Variants in PHACTR1 observed in about 807,000 individuals in gnomAD.
PHACTR1 encodes the protein phosphatase and actin regulator 1.
A neutral mutation model predicts 69.2 loss-of-function variants in PHACTR1; 16 were observed. That is an observed-to-expected ratio of 0.23 (90% CI 0.16 to 0.35). PHACTR1 has a LOEUF of 0.35. PHACTR1 is among the 10% of genes least tolerant of loss of function. The pLI is 1.00. For synonymous variants in PHACTR1, 312 were observed against 284.5 expected, an observed-to-expected ratio of 1.10 and a Z score of -0.97; for missense variants, 510 against 734.7, an observed-to-expected ratio of 0.69 and a Z score of 3.54.
At chr6:12,814,105 G>A (rs532106190) in intron 4 of PHACTR1, among the ~76,000 whole-genome samples, 16 of 152,278 alleles carry the variant, frequency 1.1e-4, no homozygotes, top group Non-Finnish European at 1.6e-4. Context: ...GGTGTCAGGT[G>A]GAATTTCTGT....
intron 4 of PHACTR1, among the ~76,000 whole-genome samples, chr6:12,922,442 T>C (rs1352455011): frequency 6.6e-6 from 1 of 152,168 alleles, no homozygotes; most frequent in Non-Finnish European, 1.5e-5. Context: ...AGCAAGGGCA[T>C]GTGAGTTAGC....
At chr6:13,079,362 T>C (rs1811025228) in intron 5 of PHACTR1, among the ~76,000 whole-genome samples, 1 of 152,176 alleles carries the variant, frequency 6.6e-6, no homozygotes, top group Non-Finnish European at 1.5e-5. Context: ...GACATTCCAT[T>C]TCCATGTGGG....
chr6:13,076,042 T>TTTTTTG (rs1403379967), intron 5 of PHACTR1, among the ~76,000 whole-genome samples: 1 of 151,862 alleles, frequency 6.6e-6, no homozygotes, highest in Non-Finnish European at 1.5e-5. Context: ...TTTTTTTTTT[T>TTTTTTG]TCTGGTTGGC....
At chr6:13,105,659 A>G (rs1270316495) in intron 5 of PHACTR1, among the ~76,000 whole-genome samples, 1 of 152,144 alleles carries the variant, frequency 6.6e-6, no homozygotes, top group African/African-American at 2.4e-5. Context: ...CTGACTGCCT[A>G]CAAATCTAAG....
intron 3 of PHACTR1, among the ~76,000 whole-genome samples, chr6:12,727,445 G>A (rs191169753): frequency 6.6e-6 from 1 of 152,262 alleles, no homozygotes; most frequent in African/African-American, 2.4e-5. Context: ...CCCTAGCAAG[G>A]ATCTGCTTTG....
intron 4 of PHACTR1, among the ~76,000 whole-genome samples, chr6:12,986,624 C>T (rs1341028113): frequency 6.6e-6 from 1 of 152,190 alleles, no homozygotes; most frequent in Admixed American, 6.5e-5. Flanking sequence ...CTTCCAGTCT[C>T]GTTTGGGCGA....
In PHACTR1 at chr6:12,744,560, G is replaced by A. The variant is rs142096329; in HGVS notation, c.104-5084G>A. On this transcript the variant is annotated intron_variant, in intron 3 of 14. Coordinates refer to ENST00000332995, the MANE Select transcript of PHACTR1 (RefSeq NM_030948.6). ...CCTCAATATCATCCCTTCATGTTTC[G>A]TAAGGAAGATGTTATCAGAAAGGGG... is the stretch of plus-strand genomic sequence containing the variant. Among the ~76,000 whole-genome samples the A allele has an allele frequency of 2.6e-3, 397 of 152,138 alleles. 2 individuals carry two copies. Among genetic ancestry groups the A allele is most frequent in the African/African-American group, 8.0e-3 (334 of 41,510 alleles).
At chr6:13,107,208 C>T (rs1231400273) in intron 5 of PHACTR1, among the ~76,000 whole-genome samples, 1 of 152,130 alleles carries the variant, frequency 6.6e-6, no homozygotes, top group Admixed American at 6.5e-5. Context: ...GCCCTGACCT[C>T]CGAGGTTCAA....
intron 5 of PHACTR1, among the ~76,000 whole-genome samples, chr6:13,159,750 G>T (rs1479243009): frequency 2.0e-5 from 3 of 152,170 alleles, no homozygotes; most frequent in Admixed American, 6.5e-5. Context: ...GACCATCCTG[G>T]CTCAAACCAT....
chr6:12,748,270 A>G (rs890031704), intron 3 of PHACTR1, among the ~76,000 whole-genome samples: 5 of 152,226 alleles, frequency 3.3e-5, no homozygotes, highest in Admixed American at 6.5e-5. Context: ...TAAAAGACCA[A>G]TGAAGAGAGA....
chr6:13,145,707 G>C (rs1013174065), intron 5 of PHACTR1, among the ~76,000 whole-genome samples: 1 of 152,188 alleles, frequency 6.6e-6, no homozygotes, highest in Admixed American at 6.5e-5. Flanking sequence ...CCAAGGAAAG[G>C]CCTCGTGAAC....
intron 6 of PHACTR1, among the ~76,000 whole-genome samples, chr6:13,178,705 G>A (rs952136632): frequency 6.6e-6 from 1 of 152,208 alleles, no homozygotes; most frequent in Admixed American, 6.5e-5. Context: ...GGAGGTTATT[G>A]TGTACCATTT....
At chr6:12,853,616 G>T (rs916956969) in intron 4 of PHACTR1, among the ~76,000 whole-genome samples, 2 of 152,222 alleles carry the variant, frequency 1.3e-5, no homozygotes, top group Admixed American at 1.3e-4. Context: ...CCCCATTGCT[G>T]GGGAAGCCTC....
chr6:12,816,933 C>T (rs1051215493), intron 4 of PHACTR1, among the ~76,000 whole-genome samples: 8 of 152,024 alleles, frequency 5.3e-5, no homozygotes, highest in South Asian at 4.2e-4. Context: ...CTTTGCCAAC[C>T]GGGAAGGACA....
chr6:13,106,408 G>A (rs780527860), intron 5 of PHACTR1, among the ~76,000 whole-genome samples: 22 of 152,172 alleles, frequency 1.4e-4, no homozygotes, highest in Non-Finnish European at 2.4e-4. Context: ...TTAGAGGAGA[G>A]TTGTTCAGTC....
intron 5 of PHACTR1, among the ~76,000 whole-genome samples, chr6:13,116,615 G>A (rs1435369939): frequency 6.6e-6 from 1 of 152,160 alleles, no homozygotes; most frequent in Admixed American, 6.5e-5. Context: ...TTATTTCCAG[G>A]TAATGGATAC....
intron 4 of PHACTR1, among the ~76,000 whole-genome samples, chr6:12,784,064 A>T (rs899952954): frequency 6.6e-6 from 1 of 152,114 alleles, no homozygotes; most frequent in Non-Finnish European, 1.5e-5. Context: ...GCACATATAC[A>T]TGATATATGC....
intron 4 of PHACTR1, among the ~76,000 whole-genome samples, chr6:12,764,131 T>C (rs1431587735): frequency 1.3e-5 from 2 of 152,202 alleles, no homozygotes; most frequent in African/African-American, 4.8e-5. Context: ...TAGATGTTAA[T>C]GTACAAATGA....
intron 4 of PHACTR1, among the ~76,000 whole-genome samples, chr6:12,849,091 G>A (rs1429099002): frequency 6.6e-6 from 1 of 152,150 alleles, no homozygotes; most frequent in East Asian, 1.9e-4. Context: ...AGGTGACATG[G>A]ATGCCCCCTC....
Sources: allele counts gnomAD v4.1 joint callset (sites outside exome capture counted in the v4.1 genomes callset), GRCh38; gene constraint gnomAD v4.1.1; transcripts MANE v1.5; gene names NCBI Gene and HGNC (gene_info 2026-07-23, HGNC 2026-07-21).